Variants in ADAMTS6 observed in about 807,000 individuals in gnomAD.
The protein encoded by ADAMTS6 is ADAM metallopeptidase with thrombospondin type 1 motif 6, also known as A disintegrin and metalloproteinase with thrombospondin motifs 6.
Under a neutral mutation model 144.3 loss-of-function variants are expected in ADAMTS6, and 23 were observed. The observed-to-expected ratio is 0.16, with a 90% CI of 0.11 to 0.23. The LOEUF is 0.23. Ranked by LOEUF, ADAMTS6 falls within the 10% of genes least tolerant of loss-of-function variation. ADAMTS6 has a pLI of 1.00. For synonymous variants in ADAMTS6, 444 were observed against 457.5 expected (o/e 0.97, Z 0.38); for missense variants, 999 against 1,379.6 (o/e 0.72, Z 4.37).
chr5:65,186,220 TA>T (rs2112164239), intron 22 of ADAMTS6, among the ~76,000 whole-genome samples: 1 of 152,312 alleles, frequency 6.6e-6, no homozygotes, highest in South Asian at 2.1e-4. Context: ...ATATTCAGCT[TA>T]AATCCCATCA....
intron 20 of ADAMTS6, chr5:65,210,788 T>C: frequency 1.7e-6 from 1 of 592,990 alleles, no homozygotes; most frequent in South Asian, 1.8e-5. Flanking sequence ...AAGAAACAGT[T>C]CTCTCAACAC....
At chr5:65,463,077 TA>T (rs57197551) in intron 3 of ADAMTS6, among the ~76,000 whole-genome samples, 51,360 of 123,706 alleles carry the variant, frequency 0.42, 9,200 homozygotes, top group African/African-American at 0.46. Flanking sequence ...AGACTCCGTC[TA>T]AAAAAAAAAA....
intron 7 of ADAMTS6, among the ~76,000 whole-genome samples, chr5:65,370,526 G>C (rs1167329464): frequency 2.0e-5 from 3 of 152,172 alleles, no homozygotes; most frequent in African/African-American, 7.2e-5. Context: ...ATGGCACCTG[G>C]AAAGTCGGGT....
At position 65,151,541 on chromosome 5, in the gene ADAMTS6, G is replaced by T; in HGVS notation, c.*295C>A. On this transcript the variant is annotated 3_prime_UTR_variant, in exon 25 of 25. Transcript: ENST00000381055. ...GTCCAAGGAGGTAAACAGGCTATTG[G>T]ATTTACTCGAAAGAACACAAACGCT... 1 of 334,208 alleles carries T rather than the reference G, an allele frequency of 3.0e-6. No individual in the cohort carries two copies. Among genetic ancestry groups the T allele is most frequent in the Non-Finnish European group, 5.5e-6 (1 of 182,060 alleles). 20.7% of individuals were successfully genotyped at this position (334,208 alleles called of 1,614,324 possible).
At chr5:65,471,415 C>A (rs902241725) in intron 2 of ADAMTS6, among the ~76,000 whole-genome samples, 3 of 151,850 alleles carry the variant, frequency 2.0e-5, no homozygotes, top group Non-Finnish European at 4.4e-5. Flanking sequence ...GAGCTAAATT[C>A]TACAAGAAAT....
intron 7 of ADAMTS6, among the ~76,000 whole-genome samples, chr5:65,447,872 A>G: frequency 6.6e-6 from 1 of 150,402 alleles, no homozygotes; most frequent in East Asian, 1.9e-4. Flanking sequence ...CTATAGAAAT[A>G]TTGCCATATT....
intron 7 of ADAMTS6, among the ~76,000 whole-genome samples, chr5:65,438,436 G>A (rs1163508221): frequency 6.6e-6 from 1 of 152,176 alleles, no homozygotes; most frequent in Non-Finnish European, 1.5e-5. Flanking sequence ...GCTGAGGCAT[G>A]AGAATCGCTT....
intron 7 of ADAMTS6, among the ~76,000 whole-genome samples, chr5:65,368,783 G>T (rs890652498): frequency 4.6e-5 from 7 of 152,296 alleles, no homozygotes; most frequent in East Asian, 3.9e-4. Flanking sequence ...GGCCAGGCTT[G>T]GTGGCTCACA....
intron 9 of ADAMTS6, among the ~76,000 whole-genome samples, chr5:65,328,524 G>A (rs192120190): frequency 2.7e-5 from 3 of 112,968 alleles, no homozygotes; most frequent in Admixed American, 2.5e-4. Context: ...TTTTAGAAGA[G>A]CTTTCCTGCT....
chr5:65,159,503 C>T (rs1416293509), intron 24 of ADAMTS6, among the ~76,000 whole-genome samples: 1 of 152,196 alleles, frequency 6.6e-6, no homozygotes, highest in African/African-American at 2.4e-5. Context: ...ACTGCACACA[C>T]TTGTCCTCTG....
intron 7 of ADAMTS6, among the ~76,000 whole-genome samples, chr5:65,389,159 G>A (rs367617354): frequency 6.6e-6 from 1 of 151,888 alleles, no homozygotes; most frequent in Admixed American, 6.6e-5. Flanking sequence ...AGCTGAGATC[G>A]CGCCACTGCA....
chr5:65,279,595 G>A (rs1762832172), intron 11 of ADAMTS6, among the ~76,000 whole-genome samples: 2 of 152,166 alleles, frequency 1.3e-5, no homozygotes, highest in African/African-American at 4.8e-5. Flanking sequence ...GGGATTACAG[G>A]CATGAGCCAC....
At chr5:65,353,930 G>T (rs898848605) in intron 7 of ADAMTS6, among the ~76,000 whole-genome samples, 1 of 151,894 alleles carries the variant, frequency 6.6e-6, no homozygotes, top group Non-Finnish European at 1.5e-5. Context: ...TTATTAAATT[G>T]TTGCAGTAGT....
chr5:65,410,387 ATTCT>A (rs1310646350), intron 7 of ADAMTS6, among the ~76,000 whole-genome samples: 2 of 152,338 alleles, frequency 1.3e-5, no homozygotes, highest in Non-Finnish European at 2.9e-5. Flanking sequence ...AAGAGTTAGC[ATTCT>A]TTCTTTAATT....
intron 16 of ADAMTS6, 57 bp from the exon 17 acceptor site, chr5:65,225,104 T>G (rs986040542): frequency 1.3e-6 from 2 of 1,551,734 alleles, no homozygotes; most frequent in Non-Finnish European, 1.7e-6. Flanking sequence ...GAATCATAAC[T>G]AATGAAATAC....
At position 65,370,127 on chromosome 5, in the gene ADAMTS6, C is replaced by T. The variant is rs115060655; in HGVS notation, c.1074-36042G>A. 3.7e-3 allele frequency among the ~76,000 whole-genome samples: 561 copies of T among 152,134 alleles called. 5 individuals are homozygous for T. The highest frequency in any genetic ancestry group is 4.1e-3 in the Non-Finnish European group (276 of 67,998). On this transcript the variant is annotated intron_variant, in intron 7 of 24. Transcript: ENST00000381055. ...GTTTTCATTTAGAAAGAAATAAAAGCGGCCAGGCACGGTGGCTCACGCCTG... is the reference window on the plus strand; with the variant it reads ...GTTTTCATTTAGAAAGAAATAAAAGTGGCCAGGCACGGTGGCTCACGCCTG...
At chr5:65,302,207 A>G (rs1355935187) in intron 9 of ADAMTS6, among the ~76,000 whole-genome samples, 1 of 144,122 alleles carries the variant, frequency 6.9e-6, no homozygotes, top group East Asian at 1.9e-4. Context: ...ATGATATTAT[A>G]CATATATTAT....
chr5:65,189,082 G>C (rs567003048), intron 21 of ADAMTS6, among the ~76,000 whole-genome samples: 116 of 152,132 alleles, frequency 7.6e-4, no homozygotes, highest in Non-Finnish European at 1.5e-3. Flanking sequence ...CAACCTTTTG[G>C]CTCCTAAAAA....
intron 14 of ADAMTS6, among the ~76,000 whole-genome samples, chr5:65,244,606 G>A (rs1759473909): frequency 6.6e-6 from 1 of 152,062 alleles, no homozygotes; most frequent in Non-Finnish European, 1.5e-5. Context: ...TACTTATTAT[G>A]TGGCACACTG....
Sources: allele counts gnomAD v4.1 joint callset (sites outside exome capture counted in the v4.1 genomes callset), GRCh38; gene constraint gnomAD v4.1.1; transcripts MANE v1.5; gene names NCBI Gene and HGNC (gene_info 2026-07-23, HGNC 2026-07-21).